PAAF1: variants seen among roughly 807,000 people sequenced by gnomAD.
PAAF1 encodes proteasomal ATPase-associated factor 1.
In PAAF1, 46 loss-of-function variants were observed where a neutral mutation model predicts 52.8. The ratio of observed to expected loss-of-function variants is 0.87; its 90% CI spans 0.69 to 1.11. The LOEUF (loss-of-function observed/expected upper bound fraction) is 1.11. PAAF1 is among the 50% of genes most tolerant of loss of function. The pLI is 0.00. For synonymous variants in PAAF1, 178 were observed against 172.8 expected, an observed-to-expected ratio of 1.03 and a Z score of -0.24; for missense variants, 424 against 477.4, an observed-to-expected ratio of 0.89 and a Z score of 1.04.
chr11:73,922,067 C>T, intron 10 of PAAF1: 1 of 854,762 alleles, frequency 1.2e-6, no homozygotes, highest in Non-Finnish European at 1.9e-6. Context: ...TGGCTTCATC[C>T]ACAGTATCTG....
chr11:73,926,577 TG>T (rs1317851386), intron 11 of PAAF1, among the ~76,000 whole-genome samples: 6 of 151,940 alleles, frequency 3.9e-5, no homozygotes, highest in Admixed American at 1.3e-4. Context: ...GGCGTGGTGG[TG>T]GGTGTGTGTA....
intron 11 of PAAF1, among the ~76,000 whole-genome samples, 155 bp from the exon 12 acceptor site, chr11:73,927,129 CA>C (rs1950382625): frequency 6.6e-6 from 1 of 152,152 alleles, no homozygotes; most frequent in Admixed American, 6.5e-5. Context: ...TATGGGCCAA[CA>C]ATTTTTGTAA....
intron 6 of PAAF1, among the ~76,000 whole-genome samples, chr11:73,908,275 GTGTATATATGTA>G (rs1347855649): frequency 3.4e-5 from 5 of 146,126 alleles, no homozygotes; most frequent in African/African-American, 1.3e-4. Context: ...GTGTATATAT[GTGTATATATGTA>G]TATATATGTG....
rs1222980322 is a variant in PAAF1 at position 73,931,109 on chromosome 11, A to G, written c.*3747A>G. ...CATTTACAATTAAAAATCAATTAAA[A>G]GAAAAGAGGATAAGGAGGGATATGG... On this transcript the variant is annotated 3_prime_UTR_variant, in exon 12 of 12. Transcript: ENST00000310571. The G allele has an allele frequency of 1.3e-5, 2 of 152,216 alleles. No homozygotes were observed. The highest frequency in any genetic ancestry group is 2.4e-5 in the African/African-American group (1 of 41,458). 9.4% of individuals were successfully genotyped at this position (152,216 alleles called of 1,614,324 possible).
chr11:73,885,654 C>T (rs1949040366), intron 2 of PAAF1, among the ~76,000 whole-genome samples: 1 of 150,702 alleles, frequency 6.6e-6, no homozygotes, highest in African/African-American at 2.4e-5. Context: ...CCAGCCTGGC[C>T]AATATGGTGA....
At chr11:73,905,912 C>T (rs1949741338) in intron 6 of PAAF1, among the ~76,000 whole-genome samples, 1 of 152,080 alleles carries the variant, frequency 6.6e-6, no homozygotes. Context: ...CCAGTAGAGA[C>T]ATAAGGAGAT....
rs770524721 is a variant in PAAF1 at position 73,929,881 on chromosome 11, A to AC, written c.*2523dup. 1.3e-5 allele frequency: 2 copies of AC among 151,682 alleles called. No individual in the cohort carries two copies. The highest frequency in any genetic ancestry group is 2.9e-5 in the Non-Finnish European group (2 of 68,040). 9.4% of individuals were successfully genotyped at this position (151,682 alleles called of 1,614,324 possible). A position where few individuals can be genotyped will look rare whatever the true frequency, so the allele number is the denominator to read the frequency against. On this transcript the variant is annotated 3_prime_UTR_variant, in exon 12 of 12. Transcript: ENST00000310571. ...AGACCAGCCTGACCAACATGGAGAA[A>AC]CCCCGTCTCTACTAAAAATACAGAA... is the stretch of plus-strand genomic sequence containing the variant.
intron 4 of PAAF1, among the ~76,000 whole-genome samples, chr11:73,897,018 G>A (rs1185321588): frequency 8.3e-5 from 12 of 144,480 alleles, no homozygotes; most frequent in Non-Finnish European, 1.5e-4. Context: ...GCGGCTGGCC[G>A]GGCAGAGGGG....
intron 6 of PAAF1, among the ~76,000 whole-genome samples, chr11:73,903,356 T>G (rs890527015): frequency 2.6e-5 from 4 of 152,208 alleles, no homozygotes; most frequent in African/African-American, 9.6e-5. Flanking sequence ...TAGCAACCTA[T>G]AGATTGACCG....
chr11:73,896,302 A>ATTTTTTTTTTTTTTTTTTT (rs1949361273), intron 4 of PAAF1, among the ~76,000 whole-genome samples: 1 of 62,382 alleles, frequency 1.6e-5, no homozygotes, highest in Non-Finnish European at 3.3e-5. Flanking sequence ...TTTCTTTTTT[A>ATTTTTTTTTTTTTTTTTTT]TTTATTTTTT....
In PAAF1 at chr11:73,927,264, CTG is replaced by C. The variant is rs1950387324; in HGVS notation, c.1102-18_1102-17del. 1.3e-6 allele frequency: 2 copies of C among 1,594,626 alleles called. No individual in the cohort carries two copies. Among genetic ancestry groups the C allele is most frequent in the African/African-American group, 2.7e-5 (2 of 74,612 alleles). On this transcript the variant is annotated intron_variant, in intron 11 of 11. Coordinates refer to ENST00000310571, the MANE Select transcript of PAAF1 (RefSeq NM_025155.3). ...GGAAGAATCCCAGGCTTCCTTTGAA[CTG>C]TGAATTCTTGTGTTTTAGGTAGCCA...
rs116140575 is a variant in PAAF1 at position 73,911,957 on chromosome 11, A to G, written c.727+2364A>G. Among the ~76,000 whole-genome samples the G allele has an allele frequency of 5.5e-3, 833 of 152,034 alleles. 8 individuals carry two copies. The highest frequency in any genetic ancestry group is 0.018 in the African/African-American group (753 of 41,458). On this transcript the variant is annotated intron_variant, in intron 7 of 11. Coordinates refer to ENST00000310571, the MANE Select transcript of PAAF1 (RefSeq NM_025155.3). The stretch of plus-strand genomic sequence containing the variant: ...CCACCAGTGACCTTCTTCTTGCCTA[A>G]TCCACCTTGTTTCTCTGTGCTTGTC...
At chr11:73,902,455 A>G (rs933602014) in intron 6 of PAAF1, among the ~76,000 whole-genome samples, 8 of 152,206 alleles carry the variant, frequency 5.3e-5, no homozygotes, top group Admixed American at 2.0e-4. Context: ...CGATCTGGCC[A>G]TCCCTCTGAA....
chr11:73,917,419 A>G (rs1950097874), intron 9 of PAAF1, among the ~76,000 whole-genome samples: 1 of 152,248 alleles, frequency 6.6e-6, no homozygotes, highest in Admixed American at 6.5e-5. Flanking sequence ...AAAGATATCC[A>G]AAGAGAATCA....
At chr11:73,884,689 A>G (rs1007259031) in intron 2 of PAAF1, among the ~76,000 whole-genome samples, 13 of 152,126 alleles carry the variant, frequency 8.5e-5, no homozygotes, top group Non-Finnish European at 1.8e-4. Context: ...GTGCTTCATG[A>G]TACTTCCCTG....
At chr11:73,917,966 A>T (rs1205856491) in intron 9 of PAAF1, among the ~76,000 whole-genome samples, 1 of 152,148 alleles carries the variant, frequency 6.6e-6, no homozygotes, top group Non-Finnish European at 1.5e-5. Context: ...CAGTGTGATC[A>T]CTTGTCTGAC....
chr11:73,898,707 G>A (rs1201949296), intron 4 of PAAF1, among the ~76,000 whole-genome samples: 1 of 152,072 alleles, frequency 6.6e-6, no homozygotes, highest in African/African-American at 2.4e-5. Context: ...CCAGCTACTC[G>A]GGAGGCTGAG....
chr11:73,880,315 CACAT>C (rs1006649938), intron 2 of PAAF1: 2 of 151,918 alleles, frequency 1.3e-5, no homozygotes, highest in Non-Finnish European at 2.9e-5. Flanking sequence ...TATACACACA[CACAT>C]ATACATATGT....
chr11:73,899,124 T>A, intron 4 of PAAF1, 22 bp from the exon 5 acceptor site: 1 of 1,570,548 alleles, frequency 6.4e-7, no homozygotes, highest in East Asian at 2.2e-5. Flanking sequence ...TCTAACACAT[T>A]GTTTGTTTTC....
Sources: gnomAD v4.1 joint callset for allele counts (sites outside exome capture counted in the v4.1 genomes callset) on GRCh38, gnomAD v4.1.1 for gene constraint, MANE v1.5 for transcripts, NCBI Gene and HGNC (gene_info 2026-07-23, HGNC 2026-07-21) for gene names.